IPCEF1: variants seen among roughly 807,000 people sequenced by gnomAD.
The protein encoded by IPCEF1 is interaction protein for cytohesin exchange factors 1, also known as interactor protein for cytohesin exchange factors 1.
A neutral mutation model predicts 50.9 loss-of-function variants in IPCEF1; 31 were observed. That is an observed-to-expected ratio of 0.61 (90% CI 0.46 to 0.82). IPCEF1 has a LOEUF of 0.82. IPCEF1 is among the 40% of genes least tolerant of loss of function. The probability of loss-of-function intolerance (pLI) is 0.00; values close to 1 mark genes in which losing one functional copy is unlikely to be tolerated. For synonymous variants in IPCEF1, 181 were observed against 192.0 expected, an observed-to-expected ratio of 0.94 and a Z score of 0.47; for missense variants, 458 against 514.0, an observed-to-expected ratio of 0.89 and a Z score of 1.05.
At chr6:154,246,034 G>A (rs1206903012) in intron 5 of IPCEF1, among the ~76,000 whole-genome samples, 1 of 152,154 alleles carries the variant, frequency 6.6e-6, no homozygotes, top group Non-Finnish European at 1.5e-5. Context: ...CACACCAGGG[G>A]ACAAGAGGTG....
intron 10 of IPCEF1, among the ~76,000 whole-genome samples, chr6:154,174,495 A>T (rs1282438393): frequency 6.6e-6 from 1 of 152,178 alleles, no homozygotes; most frequent in Non-Finnish European, 1.5e-5. Context: ...GCAAATGGAA[A>T]GCAAAAAAAA....
At chr6:154,171,481 T>G (rs1799865862) in intron 10 of IPCEF1, among the ~76,000 whole-genome samples, 1 of 150,508 alleles carries the variant, frequency 6.6e-6, no homozygotes, top group Non-Finnish European at 1.5e-5. Flanking sequence ...CAAGCAGGAG[T>G]GGAGAATGGC....
At chr6:154,287,257 C>T (rs1169154539) in intron 2 of IPCEF1, among the ~76,000 whole-genome samples, 1 of 151,904 alleles carries the variant, frequency 6.6e-6, no homozygotes, top group East Asian at 1.9e-4. Flanking sequence ...TTTCCTGACA[C>T]CTCTCCAGCC....
At chr6:154,178,319 C>G (rs558115342) in intron 10 of IPCEF1, among the ~76,000 whole-genome samples, 5 of 152,096 alleles carry the variant, frequency 3.3e-5, no homozygotes, top group African/African-American at 9.6e-5. Context: ...AATTACATAT[C>G]TGATTCAATA....
chr6:154,229,775 C>T (rs1190218970), intron 5 of IPCEF1, among the ~76,000 whole-genome samples: 2 of 152,302 alleles, frequency 1.3e-5, no homozygotes, highest in South Asian at 4.1e-4. Context: ...GCATGCAAAT[C>T]GTTATAACAG....
intron 10 of IPCEF1, among the ~76,000 whole-genome samples, chr6:154,185,294 A>G (rs1998220): frequency 0.62 from 95,021 of 152,062 alleles, 30,454 homozygotes; most frequent in African/African-American, 0.76. Context: ...TGACTGCCTA[A>G]GTGTTCAAAC....
At chr6:154,200,968 T>A (rs193036803) in intron 9 of IPCEF1, among the ~76,000 whole-genome samples, 11 of 152,290 alleles carry the variant, frequency 7.2e-5, no homozygotes, top group Admixed American at 5.2e-4. Context: ...GATTGGATCA[T>A]GGGGGTGGTT....
chr6:154,304,667 C>T (rs1476128577), intron 1 of IPCEF1, among the ~76,000 whole-genome samples: 1 of 152,154 alleles, frequency 6.6e-6, no homozygotes, highest in Non-Finnish European at 1.5e-5. Context: ...TGACCAAATC[C>T]ATAGACAGTC....
chr6:154,295,184 T>C (rs1177083650), intron 1 of IPCEF1, among the ~76,000 whole-genome samples: 1 of 151,482 alleles, frequency 6.6e-6, no homozygotes, highest in Non-Finnish European at 1.5e-5. Flanking sequence ...GGCGACAGAG[T>C]GAGACACCAT....
intron 10 of IPCEF1, among the ~76,000 whole-genome samples, chr6:154,187,410 G>A (rs1039388083): frequency 6.6e-6 from 1 of 151,902 alleles, no homozygotes. Context: ...TTTGGCTTTC[G>A]TTTGCTTTTT....
At chr6:154,250,091 T>A (rs993217256) in intron 3 of IPCEF1, among the ~76,000 whole-genome samples, 1 of 152,120 alleles carries the variant, frequency 6.6e-6, no homozygotes, top group Non-Finnish European at 1.5e-5. Flanking sequence ...TCACCTAACA[T>A]ACATGAATTT....
chr6:154,311,769 T>C (rs377348088), intron 1 of IPCEF1, among the ~76,000 whole-genome samples: 7 of 152,138 alleles, frequency 4.6e-5, no homozygotes. Context: ...AGAATGGCTA[T>C]TTTCAAAAAA....
chr6:154,185,768 A>G (rs1801285242), intron 10 of IPCEF1, among the ~76,000 whole-genome samples: 1 of 152,264 alleles, frequency 6.6e-6, no homozygotes, highest in Non-Finnish European at 1.5e-5. Context: ...AGCTGAAACA[A>G]AAGCTAAAAA....
intron 1 of IPCEF1, among the ~76,000 whole-genome samples, chr6:154,296,754 A>AG (rs1562583983): frequency 6.6e-6 from 1 of 151,158 alleles, no homozygotes; most frequent in Admixed American, 6.6e-5. Context: ...GCGTGAACCC[A>AG]GGAGGCGGAG....
chr6:154,276,513 T>C (rs546624222), intron 2 of IPCEF1, among the ~76,000 whole-genome samples: 42 of 152,340 alleles, frequency 2.8e-4, no homozygotes, highest in African/African-American at 9.4e-4. Context: ...TGTTGCAAAC[T>C]GTTTTCAGTC....
In IPCEF1 at chr6:154,285,795, T is replaced by C. The variant is rs543669789; in HGVS notation, c.-18+3918A>G. 3.3e-5 allele frequency among the ~76,000 whole-genome samples: 5 copies of C among 152,330 alleles called. No individual in the cohort carries two copies. In the East Asian group the frequency reaches 9.6e-4, roughly 29 times the overall value. ...AATAAGGCAAGAAACCCTTGGAGTC[T>C]GAGTTGTTTCTTTATTAGAGGTGTG... On this transcript the variant is annotated intron_variant, in intron 2 of 11. Transcript: ENST00000367220.
chr6:154,332,012 G>A (rs1332724536), intron 1 of IPCEF1, among the ~76,000 whole-genome samples: 1 of 152,032 alleles, frequency 6.6e-6, no homozygotes, highest in African/African-American at 2.4e-5. Flanking sequence ...TTTCACTCCT[G>A]TTCTAAAACT....
rs1799652787 is a variant in IPCEF1 at position 154,168,909 on chromosome 6, C to A, written c.911-796G>T. 1.3e-5 allele frequency among the ~76,000 whole-genome samples: 2 copies of A among 152,066 alleles called. No homozygotes were observed. Among genetic ancestry groups the A allele is most frequent in the South Asian group, 4.1e-4 (2 of 4,820 alleles). On this transcript the variant is annotated intron_variant, in intron 10 of 11. Coordinates refer to ENST00000367220, the MANE Select transcript of IPCEF1 (RefSeq NM_001130700.2). The surrounding 1 kb of genome is among the most constrained non-coding windows in gnomAD (Gnocchi z 4.1). Reference sequence around the variant, plus strand: ...GTGTGAGCCACCACGCCCAGCCCAACATATGAATTTTAGAGGGACACAATT... The same window carrying A: ...GTGTGAGCCACCACGCCCAGCCCAAAATATGAATTTTAGAGGGACACAATT...
rs997508059 is a variant in IPCEF1 at position 154,156,165 on chromosome 6, T to C, written c.*3663A>G. On this transcript the variant is annotated 3_prime_UTR_variant, in exon 12 of 12. Transcript: ENST00000367220. ...AGAAAAGAAAGGAAACACAGCATGA[T>C]TAGGTGAAACCCCAATCCATAGACA... 1 of 152,258 alleles carries C rather than the reference T, an allele frequency of 6.6e-6. No individual in the cohort carries two copies. The highest frequency in any genetic ancestry group is 1.5e-5 in the Non-Finnish European group (1 of 68,088). The allele number at this position is 152,258 out of a possible 1,614,324, so 9.4% of individuals were successfully genotyped here.
Sources: allele counts gnomAD v4.1 joint callset (sites outside exome capture counted in the v4.1 genomes callset), GRCh38; gene constraint gnomAD v4.1.1; non-coding constraint Gnocchi (gnomAD v3.1); transcripts MANE v1.5; gene names NCBI Gene and HGNC (gene_info 2026-07-23, HGNC 2026-07-21).